ITGA1: variants seen among roughly 807,000 people sequenced by gnomAD.
ITGA1 encodes integrin subunit alpha 1.
Under a neutral mutation model 145.9 loss-of-function variants are expected in ITGA1, and 85 were observed. That is an observed-to-expected ratio of 0.58 (90% CI 0.49 to 0.70). The LOEUF is 0.70. Among genes scored for constraint, ITGA1 ranks in the 30% least tolerant of loss-of-function variants. ITGA1 has a pLI of 0.00. For synonymous variants in ITGA1, 520 were observed against 495.3 expected (o/e 1.05, Z -0.66); for missense variants, 1,351 against 1,418.7 (o/e 0.95, Z 0.77).
At chr5:52,915,214 A>T (rs948741426) in intron 14 of ITGA1, among the ~76,000 whole-genome samples, 1 of 152,102 alleles carries the variant, frequency 6.6e-6, no homozygotes, top group Non-Finnish European at 1.5e-5. Flanking sequence ...AGACACAATG[A>T]CACTATATAA....
chr5:52,918,582 G>C, intron 15 of ITGA1, 150 bp from the exon 16 acceptor site: 2 of 619,720 alleles, frequency 3.2e-6, no homozygotes, highest in Admixed American at 3.8e-5. Context: ...AATCTCTTCT[G>C]TAACAATGAT....
chr5:52,805,862 G>A (rs1748581058), intron 1 of ITGA1, among the ~76,000 whole-genome samples: 1 of 152,052 alleles, frequency 6.6e-6, no homozygotes, highest in Admixed American at 6.6e-5. Context: ...CAATTTTGCA[G>A]TTGGATTTAC....
chr5:52,788,104 G>A lies in ITGA1; in HGVS notation c.-250G>A. ...GGGAAGCTGCCAGTGAGATTTCAGA[G>A]ACCAAGAGCGCGAAGGGGCGGGCGA... On this transcript the variant is annotated 5_prime_UTR_variant, in exon 1 of 29. Coordinates refer to ENST00000282588, the MANE Select transcript of ITGA1 (RefSeq NM_181501.2). 1 of 426,092 alleles carries A rather than the reference G, an allele frequency of 2.3e-6. No individual in the cohort carries two copies. The highest frequency in any genetic ancestry group is 4.2e-6 in the Non-Finnish European group (1 of 239,200). 26.4% of individuals were successfully genotyped at this position (426,092 alleles called of 1,614,324 possible).
intron 16 of ITGA1, 28 bp from the exon 17 acceptor site, chr5:52,920,304 C>T: frequency 2.0e-6 from 3 of 1,521,118 alleles, no homozygotes; most frequent in East Asian, 4.6e-5. Context: ...TAAACATTTC[C>T]ATCAATTATT....
rs544321328 is a variant in ITGA1, at chr5:52,802,003, G to T, written c.61+13589G>T. ...AGATATTTTGTGATTGGCAAGACAT[G>T]TATTTAAACAATAAACTAAAAGGAA... On this transcript the variant is annotated intron_variant, in intron 1 of 28. Transcript: ENST00000282588. The T allele has an allele frequency of 4.8e-5, 27 of 559,668 alleles. No homozygotes were observed. The South Asian group carries it at 6.2e-4, about 13-fold the overall frequency. The allele number at this position is 559,668 out of a possible 1,614,324, so 34.7% of individuals were successfully genotyped here. A position where few individuals can be genotyped will look rare whatever the true frequency, so the allele number is the denominator to read the frequency against.
intron 26 of ITGA1, among the ~76,000 whole-genome samples, chr5:52,943,306 G>A (rs938433982): frequency 6.6e-6 from 1 of 152,184 alleles, no homozygotes; most frequent in African/African-American, 2.4e-5. Flanking sequence ...GGGGACTGAT[G>A]TTCTTCAACT....
intron 23 of ITGA1, among the ~76,000 whole-genome samples, chr5:52,937,151 A>G (rs1002614589): frequency 1.3e-5 from 2 of 152,148 alleles, no homozygotes; most frequent in African/African-American, 4.8e-5. Context: ...TAGGTCTATT[A>G]AGAGAATGGG....
chr5:52,804,637 A>C (rs916827510), intron 1 of ITGA1, among the ~76,000 whole-genome samples: 6 of 152,182 alleles, frequency 3.9e-5, no homozygotes, highest in African/African-American at 1.4e-4. Flanking sequence ...AACAGAAGTT[A>C]CTAATTCTGC....
chr5:52,837,418 C>T (rs1749176650), intron 1 of ITGA1, among the ~76,000 whole-genome samples: 2 of 152,130 alleles, frequency 1.3e-5, no homozygotes. Flanking sequence ...AGGCACTCAC[C>T]CCATGGAAGG....
chr5:52,801,923 G>C, intron 1 of ITGA1: 1 of 1,033,350 alleles, frequency 9.7e-7, no homozygotes, highest in South Asian at 1.7e-5. Context: ...ACAGAAAGCT[G>C]CAAGAATGGC....
intron 8 of ITGA1, among the ~76,000 whole-genome samples, chr5:52,891,555 T>TAAA (rs56185635): frequency 5.9e-5 from 7 of 118,868 alleles, no homozygotes; most frequent in South Asian, 2.4e-4. Context: ...TCATGAACAC[T>TAAA]AAAAAAAAAA....
intron 7 of ITGA1, among the ~76,000 whole-genome samples, chr5:52,886,867 C>T (rs1750059875): frequency 6.6e-6 from 1 of 152,144 alleles, no homozygotes; most frequent in South Asian, 2.1e-4. Flanking sequence ...CAAGCTCCGC[C>T]TCCCGGGTTC....
chr5:52,932,059 A>G lies in ITGA1; in HGVS notation c.2784A>G (p.Glu928=), dbSNP rs747772600. 5.6e-6 allele frequency: 9 copies of G among 1,603,574 alleles called. No individual in the cohort carries two copies. The highest frequency in any genetic ancestry group is 6.8e-6 in the Non-Finnish European group (8 of 1,171,098). The part of the protein sequence containing the change: ...IYLSATSDSE[E]PPETLSDNVV... ...GTGTATTTTCTAGTGACAGCGAAGA[A>G]CCTCCTGAAACCCTTTCTGATAATG... Residue 928 remains glutamate (E), a synonymous_variant, in exon 22 of 29, where the codon GAA becomes GAG. Coordinates refer to ENST00000282588, the MANE Select transcript of ITGA1 (RefSeq NM_181501.2).
At chr5:52,926,625 T>C (rs1228807805) in intron 19 of ITGA1, among the ~76,000 whole-genome samples, 2 of 151,820 alleles carry the variant, frequency 1.3e-5, no homozygotes, top group Non-Finnish European at 2.9e-5. Flanking sequence ...ATTATTATTA[T>C]TATTATTATA....
chr5:52,828,344 G>A (rs928703178), intron 1 of ITGA1, among the ~76,000 whole-genome samples: 1 of 151,948 alleles, frequency 6.6e-6, no homozygotes, highest in Non-Finnish European at 1.5e-5. Context: ...TTTTATTATG[G>A]CCATTCTACT....
chr5:52,804,570 A>T (rs962757821), intron 1 of ITGA1, among the ~76,000 whole-genome samples: 2 of 152,174 alleles, frequency 1.3e-5, no homozygotes, highest in African/African-American at 4.8e-5. Flanking sequence ...TCTGTCTCTA[A>T]CTTTAGTTTC....
intron 9 of ITGA1, among the ~76,000 whole-genome samples, chr5:52,894,756 C>G (rs181326986): frequency 6.6e-6 from 1 of 152,184 alleles, no homozygotes; most frequent in African/African-American, 2.4e-5. Flanking sequence ...TTTAAAAGCA[C>G]TTTCTCAGTT....
At chr5:52,866,504 C>G (rs911347256) in intron 6 of ITGA1, among the ~76,000 whole-genome samples, 6 of 152,110 alleles carry the variant, frequency 3.9e-5, no homozygotes, top group Non-Finnish European at 7.4e-5. Flanking sequence ...TCCCAAACAA[C>G]CCATCACATT....
At chr5:52,807,476 G>A (rs1291924814) in intron 1 of ITGA1, among the ~76,000 whole-genome samples, 2 of 152,088 alleles carry the variant, frequency 1.3e-5, no homozygotes, top group African/African-American at 2.4e-5. Context: ...TGGGTGTGAT[G>A]AGGTGCTCCC....
Sources: allele counts gnomAD v4.1 joint callset (sites outside exome capture counted in the v4.1 genomes callset), GRCh38; gene constraint gnomAD v4.1.1; transcripts MANE v1.5; gene names NCBI Gene and HGNC (gene_info 2026-07-23, HGNC 2026-07-21).